The following KCNIP4 variants were observed in gnomAD, a reference collection of about 807,000 sequenced individuals.
The protein encoded by KCNIP4 is potassium voltage-gated channel interacting protein 4, also known as Kv channel-interacting protein 4.
In KCNIP4, 12 loss-of-function variants were observed where a neutral mutation model predicts 34.0. The ratio of observed to expected loss-of-function variants is 0.35; its 90% CI spans 0.23 to 0.57. KCNIP4 has a LOEUF of 0.57. Ranked by LOEUF, KCNIP4 falls within the 20% of genes least tolerant of loss-of-function variation. The pLI, the probability that KCNIP4 is intolerant of heterozygous loss-of-function variation, is 0.83. For missense variants in KCNIP4, 238 were observed against 311.7 expected (o/e 0.76, Z 1.78); for synonymous variants, 124 against 102.2 (o/e 1.21, Z -1.29).
intron 4 of KCNIP4, among the ~76,000 whole-genome samples, chr4:20,754,001 A>G (rs184866768): frequency 9.8e-5 from 15 of 152,298 alleles, no homozygotes; most frequent in African/African-American, 3.6e-4. Context: ...ATGAGCAGGA[A>G]TAGCCCAGGA....
chr4:21,198,906 A>T (rs183241849), intron 1 of KCNIP4, among the ~76,000 whole-genome samples: 183 of 151,732 alleles, frequency 1.2e-3, no homozygotes, highest in Non-Finnish European at 2.0e-3. Context: ...TCCTTTCTCT[A>T]TCTGAGGAGT....
At chr4:21,872,698 C>T (rs965668487) in intron 1 of KCNIP4, among the ~76,000 whole-genome samples, 40 of 152,192 alleles carry the variant, frequency 2.6e-4, no homozygotes, top group African/African-American at 8.9e-4. Flanking sequence ...AAATAATATG[C>T]ATACAACCCT....
At chr4:21,493,227 A>G (rs761352207) in intron 1 of KCNIP4, among the ~76,000 whole-genome samples, 7 of 152,058 alleles carry the variant, frequency 4.6e-5, no homozygotes, top group Admixed American at 6.6e-5. Flanking sequence ...ACCTGTTGTC[A>G]ATTCAATTTA....
At chr4:21,846,412 G>C (rs1360191746) in intron 1 of KCNIP4, 1 of 152,098 alleles carries the variant, frequency 6.6e-6, no homozygotes, top group African/African-American at 2.4e-5. Flanking sequence ...GACTTCCTGA[G>C]TTCAAATCCC....
At chr4:20,756,713 A>C (rs547825796) in intron 4 of KCNIP4, among the ~76,000 whole-genome samples, 1 of 151,952 alleles carries the variant, frequency 6.6e-6, no homozygotes, top group Non-Finnish European at 1.5e-5. Context: ...AATGACTCCC[A>C]TGTTGCCACA....
At chr4:20,961,986 C>G (rs1328379674) in intron 1 of KCNIP4, among the ~76,000 whole-genome samples, 1 of 152,120 alleles carries the variant, frequency 6.6e-6, no homozygotes, top group Non-Finnish European at 1.5e-5. Context: ...CCTTCAGTTT[C>G]CATGACTACG....
At chr4:21,158,673 C>G (rs1234256164) in intron 1 of KCNIP4, among the ~76,000 whole-genome samples, 1 of 152,098 alleles carries the variant, frequency 6.6e-6, no homozygotes, top group Non-Finnish European at 1.5e-5. Flanking sequence ...TAAAAACTTA[C>G]AGCTAATTTA....
At chr4:21,403,147 C>G (rs1343391237) in intron 1 of KCNIP4, among the ~76,000 whole-genome samples, 4 of 152,186 alleles carry the variant, frequency 2.6e-5, no homozygotes, top group Non-Finnish European at 4.4e-5. Context: ...CAGTAAGATA[C>G]TCTTGACAAA....
At chr4:21,519,607 T>A (rs776251459) in intron 1 of KCNIP4, among the ~76,000 whole-genome samples, 645 of 34,950 alleles carry the variant, frequency 0.018, 19 homozygotes, top group Middle Eastern at 0.039. Context: ...TATATACACA[T>A]ATGTGTGTGT....
intron 1 of KCNIP4, among the ~76,000 whole-genome samples, chr4:21,066,354 C>T (rs572717420): frequency 6.6e-6 from 1 of 152,138 alleles, no homozygotes; most frequent in African/African-American, 2.4e-5. Context: ...TGCAGGAACA[C>T]CACATTGACC....
At chr4:21,473,980 C>T (rs903633425) in intron 1 of KCNIP4, among the ~76,000 whole-genome samples, 9 of 152,246 alleles carry the variant, frequency 5.9e-5, no homozygotes, top group South Asian at 2.1e-4. Flanking sequence ...TCCCAAAGTG[C>T]TGACATTACA....
chr4:20,764,052 A>C (rs2149367487), intron 3 of KCNIP4, among the ~76,000 whole-genome samples: 1 of 152,294 alleles, frequency 6.6e-6, no homozygotes, highest in Middle Eastern at 3.4e-3. Context: ...AGGGATAGTA[A>C]GAAATGCCTC....
intron 1 of KCNIP4, among the ~76,000 whole-genome samples, chr4:21,546,585 A>G (rs1738172681): frequency 6.6e-6 from 1 of 152,138 alleles, no homozygotes. Context: ...TGTTTTTCTT[A>G]AAAGGTATTT....
intron 1 of KCNIP4, among the ~76,000 whole-genome samples, chr4:21,820,364 G>A (rs1482489463): frequency 1.4e-5 from 2 of 144,468 alleles, no homozygotes; most frequent in African/African-American, 5.3e-5. Flanking sequence ...CAGGCATGAA[G>A]TACTATAAAC....
At chr4:21,678,185 C>T (rs750818699) in intron 1 of KCNIP4, among the ~76,000 whole-genome samples, 11 of 152,034 alleles carry the variant, frequency 7.2e-5, no homozygotes, top group Non-Finnish European at 1.3e-4. Context: ...CATTATAATG[C>T]AAAAGAAGCC....
chr4:21,048,944 C>CTTTTTTTTTTTTTTTT (rs949548104), intron 1 of KCNIP4, among the ~76,000 whole-genome samples: 1 of 96,050 alleles, frequency 1.0e-5, no homozygotes, highest in African/African-American at 4.2e-5. Context: ...TTCTGTTTAT[C>CTTTTTTTTTTTTTTTT]TTTTTTTTTT....
chr4:21,788,010 A>G (rs1720022499), intron 1 of KCNIP4, among the ~76,000 whole-genome samples: 1 of 152,036 alleles, frequency 6.6e-6, no homozygotes. Context: ...ATGGCTTTGA[A>G]GGCAGGCCGC....
At chr4:21,909,242 C>T (rs143294032) in intron 1 of KCNIP4, among the ~76,000 whole-genome samples, 6 of 152,172 alleles carry the variant, frequency 3.9e-5, no homozygotes, top group Non-Finnish European at 5.9e-5. Flanking sequence ...CTGAATGATG[C>T]CTACCCTCTC....
At chr4:20,740,207 A>C (rs1264545368) in intron 5 of KCNIP4, among the ~76,000 whole-genome samples, 1 of 152,156 alleles carries the variant, frequency 6.6e-6, no homozygotes, top group African/African-American at 2.4e-5. Flanking sequence ...AAGTCAGGCC[A>C]ACATTCAAAT....
Sources: gnomAD v4.1 joint callset for allele counts (sites outside exome capture counted in the v4.1 genomes callset) on GRCh38, gnomAD v4.1.1 for gene constraint, MANE v1.5 for transcripts, NCBI Gene and HGNC (gene_info 2026-07-23, HGNC 2026-07-21) for gene names.